SMC5: variants seen among roughly 807,000 people sequenced by gnomAD.
SMC5 encodes structural maintenance of chromosomes protein 5.
Under a neutral mutation model 148.3 loss-of-function variants are expected in SMC5, and 88 were observed. The observed-to-expected ratio is 0.59, with a 90% confidence interval of 0.50 to 0.71. The LOEUF (loss-of-function observed/expected upper bound fraction) is 0.71, where lower values mean the gene tolerates loss of function less well. SMC5 is among the 30% of genes least tolerant of loss of function. The pLI, the probability that SMC5 is intolerant of heterozygous loss-of-function variation, is 0.00. For synonymous variants in SMC5, 421 were observed against 432.8 expected (o/e 0.97, Z 0.34); for missense variants, 1,142 against 1,298.9 (o/e 0.88, Z 1.86).
At chr9:70,290,487 C>T (rs890308883) in intron 8 of SMC5, among the ~76,000 whole-genome samples, 1 of 152,024 alleles carries the variant, frequency 6.6e-6, no homozygotes, top group Admixed American at 6.6e-5. Flanking sequence ...ATGTTTATAC[C>T]GCAATAGTTC....
intron 17 of SMC5, among the ~76,000 whole-genome samples, chr9:70,336,182 T>G (rs1023702689): frequency 6.6e-6 from 1 of 152,082 alleles, no homozygotes; most frequent in Non-Finnish European, 1.5e-5. Context: ...GTGGAAAGCA[T>G]CCACAGAGGG....
intron 10 of SMC5, among the ~76,000 whole-genome samples, chr9:70,301,019 A>AT (rs1398501454): frequency 6.6e-6 from 1 of 152,012 alleles, no homozygotes; most frequent in Non-Finnish European, 1.5e-5. Flanking sequence ...ATAGTTTTCA[A>AT]TTTTTTACCA....
chr9:70,323,918 T>G (rs768704857), intron 16 of SMC5, 103 bp from the exon 17 acceptor site: 5 of 1,133,572 alleles, frequency 4.4e-6, no homozygotes, highest in Non-Finnish European at 6.1e-6. Flanking sequence ...AATAGGAAAA[T>G]TATTTTTTCA....
chr9:70,317,008 T>A (rs1316420835), intron 13 of SMC5, among the ~76,000 whole-genome samples: 2 of 152,126 alleles, frequency 1.3e-5, no homozygotes, highest in Non-Finnish European at 2.9e-5. Flanking sequence ...AACTCAGTTC[T>A]ATGTTGTATA....
At chr9:70,342,637 A>G (rs2036558518) in intron 17 of SMC5, among the ~76,000 whole-genome samples, 1 of 152,122 alleles carries the variant, frequency 6.6e-6, no homozygotes, top group South Asian at 2.1e-4. Flanking sequence ...ACAAATAGAG[A>G]TAACCCTTTT....
intron 11 of SMC5, among the ~76,000 whole-genome samples, chr9:70,306,258 ATTT>A (rs2035493958): frequency 6.6e-6 from 1 of 152,238 alleles, no homozygotes; most frequent in Admixed American, 6.5e-5. Flanking sequence ...TGTTTAAAGA[ATTT>A]TTTTAATTGG....
intron 8 of SMC5, among the ~76,000 whole-genome samples, chr9:70,295,684 T>C (rs998872324): frequency 6.6e-6 from 1 of 152,090 alleles, no homozygotes; most frequent in Non-Finnish European, 1.5e-5. Context: ...TTCAGAAAAC[T>C]TAATTGAAAG....
intron 17 of SMC5, among the ~76,000 whole-genome samples, chr9:70,338,211 A>G (rs368107129): frequency 1.3e-5 from 2 of 151,830 alleles, no homozygotes; most frequent in African/African-American, 4.8e-5. Flanking sequence ...AGTTCTCACT[A>G]TGTTGCCCTG....
rs779694157 is a variant in SMC5 at position 70,259,222 on chromosome 9, C to G, written c.144C>G (p.Phe48Leu). ...QLPLLQSSGPFVEGSIVRISM... is the reference protein window; with the variant it reads ...QLPLLQSSGPLVEGSIVRISM... ...CGCTGTTGCAGTCGTCCGGGCCTTT[C>G]GTGGAAGGCTCTATCGTCCGCATCT... is the stretch of plus-strand genomic sequence containing the variant. Residue 48 changes from phenylalanine to leucine, a missense_variant, in exon 1 of 25, where the codon TTC becomes TTG. This residue lies in a region of SMC5 where 297 missense variants were observed against 302.6 expected (regional missense o/e 0.98). Transcript: ENST00000361138. The G allele has an allele frequency of 1.2e-6, 2 of 1,604,178 alleles. No homozygotes were observed. The highest frequency in any genetic ancestry group is 1.7e-5 in the Admixed American group (1 of 58,692).
rs1304862861 is a variant in SMC5 at position 70,278,555 on chromosome 9, T to C, written c.608T>C (p.Ile203Thr). 3 of 1,612,400 alleles carry C rather than the reference T, an allele frequency of 1.9e-6. No individual in the cohort carries two copies. Among genetic ancestry groups the C allele is most frequent in the Admixed American group, 1.7e-5 (1 of 59,590 alleles). ...IELLEATEKS[I>T]GPPEMHKYHC... ...CTCCTCGAAGCCACTGAAAAGTCAA[T>C]TGGTCCCCCAGAAATGCACAAATAT... The change falls in exon 5 of 25, where the codon ATT becomes ACT. Residue 203 changes from isoleucine to threonine, a missense_variant. Coordinates refer to ENST00000361138, the MANE Select transcript of SMC5 (RefSeq NM_015110.4).
At position 70,347,159 on chromosome 9, in the gene SMC5, A is replaced by T. The variant is rs756913631; in HGVS notation, c.2662A>T (p.Thr888Ser). Residue 888 changes from threonine (T) to serine (S), a missense_variant and splice_region_variant, in exon 20 of 25, where the codon ACA becomes TCA. This residue lies in a region of SMC5 where 743 missense variants were observed against 835.7 expected (regional missense o/e 0.89). Coordinates refer to ENST00000361138, the MANE Select transcript of SMC5 (RefSeq NM_015110.4). The part of the protein sequence containing the change: ...RASCFTGLNP[T>S]IVQEYTKREE... ...TTCCTGCTTCACGGGACTGAATCCT[A>T]CAGTATGCCTGTTTCTCTATTCCCA... The T allele has an allele frequency of 1.9e-6, 3 of 1,612,936 alleles. No homozygotes were observed. The South Asian group carries it at 3.3e-5, about 18-fold the overall frequency.
At chr9:70,304,887 A>T (rs2035456746) in intron 10 of SMC5, among the ~76,000 whole-genome samples, 1 of 152,114 alleles carries the variant, frequency 6.6e-6, no homozygotes, top group Non-Finnish European at 1.5e-5. Context: ...TCTCTTGAAG[A>T]TTAAGAAAAT....
intron 17 of SMC5, among the ~76,000 whole-genome samples, chr9:70,338,421 G>A (rs937663153): frequency 1.3e-5 from 2 of 151,874 alleles, no homozygotes; most frequent in African/African-American, 4.8e-5. Flanking sequence ...CACATTACTA[G>A]TTCACCTCTT....
At chr9:70,296,466 A>G (rs7019433) in intron 8 of SMC5, among the ~76,000 whole-genome samples, 131,096 of 151,606 alleles carry the variant, frequency 0.86, 56,950 homozygotes, top group Non-Finnish European at 0.91. Context: ...GGAGGCTGAG[A>G]CACAAGAATC....
At chr9:70,347,831 A>G in intron 21 of SMC5, 88 bp from the exon 22 acceptor site, 1 of 1,337,678 alleles carries the variant, frequency 7.5e-7, no homozygotes, top group Admixed American at 2.3e-5. Flanking sequence ...GCCCAGACTG[A>G]TACTGATATA....
chr9:70,352,165 A>T, intron 24 of SMC5, 26 bp from the exon 25 acceptor site: 1 of 1,585,588 alleles, frequency 6.3e-7, no homozygotes, highest in Non-Finnish European at 8.6e-7. Flanking sequence ...TATAGCTTAT[A>T]TGACAATTTG....
chr9:70,320,414 G>A (rs1370959782), intron 15 of SMC5, among the ~76,000 whole-genome samples: 1 of 152,026 alleles, frequency 6.6e-6, no homozygotes, highest in Non-Finnish European at 1.5e-5. Context: ...CAGGGAGGAG[G>A]GAAGAAAGAA....
At chr9:70,271,203 A>G (rs1219026218) in intron 3 of SMC5, among the ~76,000 whole-genome samples, 1 of 152,172 alleles carries the variant, frequency 6.6e-6, no homozygotes, top group Admixed American at 6.5e-5. Context: ...TGTATATCAC[A>G]GTATCATAAT....
intron 1 of SMC5, among the ~76,000 whole-genome samples, chr9:70,263,455 A>T (rs1434125493): frequency 6.6e-6 from 1 of 152,228 alleles, no homozygotes; most frequent in Non-Finnish European, 1.5e-5. Flanking sequence ...GCATTTATTC[A>T]TGAGGAATTA....
Sources: gnomAD v4.1 joint callset for allele counts (sites outside exome capture counted in the v4.1 genomes callset) on GRCh38, gnomAD v4.1.1 for gene constraint, gnomAD v4.1.1 regional missense constraint, MANE v1.5 for transcripts, NCBI Gene and HGNC (gene_info 2026-07-23, HGNC 2026-07-21) for gene names.